TMEM108: variants seen among roughly 807,000 people sequenced by gnomAD.
The protein encoded by TMEM108 is cancer/testis antigen 124.
TMEM108 carries 12 observed loss-of-function variants against 35.1 expected under a neutral mutation model. The observed-to-expected ratio is 0.34, with a 90% CI of 0.22 to 0.55. TMEM108 has a LOEUF of 0.55. Ranked by LOEUF, TMEM108 falls within the 20% of genes least tolerant of loss-of-function variation. The pLI is 0.89. For missense variants in TMEM108, 680 were observed against 753.3 expected (o/e 0.90, Z 1.14); for synonymous variants, 287 against 308.6 (o/e 0.93, Z 0.73).
intron 1 of TMEM108, among the ~76,000 whole-genome samples, chr3:133,041,372 C>A (rs146415175): frequency 2.0e-5 from 3 of 152,076 alleles, no homozygotes; most frequent in Non-Finnish European, 4.4e-5. Flanking sequence ...ATGTCACCCC[C>A]CAGGGCTCCC....
chr3:133,188,223 G>A (rs1945449687), intron 2 of TMEM108, among the ~76,000 whole-genome samples: 1 of 152,162 alleles, frequency 6.6e-6, no homozygotes, highest in Admixed American at 6.5e-5. Flanking sequence ...AGGCGCGTCT[G>A]CACACTACAC....
intron 2 of TMEM108, among the ~76,000 whole-genome samples, chr3:133,195,561 G>A (rs1945564310): frequency 6.6e-6 from 1 of 152,076 alleles, no homozygotes; most frequent in African/African-American, 2.4e-5. Flanking sequence ...CCTTTGTGTT[G>A]TCATTATTAC....
At chr3:133,063,440 A>G (rs759049139) in intron 2 of TMEM108, among the ~76,000 whole-genome samples, 5 of 152,150 alleles carry the variant, frequency 3.3e-5, no homozygotes, top group Non-Finnish European at 5.9e-5. Flanking sequence ...AGTTCAGGGA[A>G]TGTGGGGAGA....
Position 133,203,278 on chromosome 3 carries a change from C to T in TMEM108, c.-46-25988C>T, listed in dbSNP as rs571527888. Among the ~76,000 whole-genome samples, 4 of 152,248 alleles carry T rather than the reference C, an allele frequency of 2.6e-5. No individual in the cohort carries two copies. In the East Asian group the frequency reaches 7.7e-4, roughly 29 times the overall value. ...CTTCCTTTCTTCCTATTTGAATACT[C>T]TTTTTTTCTTTCTCTTGCCTGACTG... On this transcript the variant is annotated intron_variant, in intron 2 of 5. Coordinates refer to ENST00000321871, the MANE Select transcript of TMEM108 (RefSeq NM_023943.4).
chr3:133,039,834 T>G (rs149432642), intron 1 of TMEM108, among the ~76,000 whole-genome samples: 2 of 152,288 alleles, frequency 1.3e-5, no homozygotes, highest in African/African-American at 2.4e-5. Flanking sequence ...GCTCTTACAT[T>G]CCCTGTACAA....
chr3:133,377,059 G>A (rs190684968), intron 3 of TMEM108, among the ~76,000 whole-genome samples: 2 of 152,262 alleles, frequency 1.3e-5, no homozygotes, highest in East Asian at 1.9e-4. Context: ...TGCTCCAGAT[G>A]TCTGTGTGTC....
chr3:133,239,063 C>G (rs1353296656), intron 3 of TMEM108, among the ~76,000 whole-genome samples: 1 of 152,164 alleles, frequency 6.6e-6, no homozygotes, highest in Non-Finnish European at 1.5e-5. Context: ...TCCTGGCATA[C>G]CACAAATTAT....
At chr3:133,207,607 C>A (rs570533959) in intron 2 of TMEM108, among the ~76,000 whole-genome samples, 2 of 151,992 alleles carry the variant, frequency 1.3e-5, no homozygotes, top group Non-Finnish European at 1.5e-5. Flanking sequence ...ATTCTGACTG[C>A]CTTTGTTTAG....
At chr3:133,120,515 A>G (rs1028933363) in intron 2 of TMEM108, among the ~76,000 whole-genome samples, 1 of 152,172 alleles carries the variant, frequency 6.6e-6, no homozygotes, top group East Asian at 1.9e-4. Context: ...TTTCCCAGCC[A>G]TCCTCCTATG....
At chr3:133,238,063 A>T (rs1946263929) in intron 3 of TMEM108, among the ~76,000 whole-genome samples, 1 of 152,108 alleles carries the variant, frequency 6.6e-6, no homozygotes, top group Non-Finnish European at 1.5e-5. Context: ...CTGGTCCCGG[A>T]CTACCTTTCC....
intron 2 of TMEM108, among the ~76,000 whole-genome samples, chr3:133,158,848 G>T (rs1467159833): frequency 6.6e-6 from 1 of 152,160 alleles, no homozygotes; most frequent in Non-Finnish European, 1.5e-5. Flanking sequence ...GTCTCCTTTG[G>T]CCTTTCCCAC....
chr3:133,164,985 AC>A, intron 2 of TMEM108, among the ~76,000 whole-genome samples: 1 of 127,692 alleles, frequency 7.8e-6, no homozygotes, highest in Admixed American at 8.7e-5. Flanking sequence ...TTGTACACTT[AC>A]AGTAACAAAG....
intron 3 of TMEM108, among the ~76,000 whole-genome samples, chr3:133,323,855 A>G (rs569308613): frequency 6.6e-6 from 1 of 152,090 alleles, no homozygotes; most frequent in Non-Finnish European, 1.5e-5. Context: ...AGAATAGAGA[A>G]CCCAGAAATA....
chr3:133,215,581 A>C (rs76426200), intron 2 of TMEM108, among the ~76,000 whole-genome samples: 2,288 of 152,202 alleles, frequency 0.015, 77 homozygotes, highest in African/African-American at 0.051. Flanking sequence ...TTTTAGGGAT[A>C]TTAACCCCTT....
At chr3:133,197,683 A>G (rs1252359033) in intron 2 of TMEM108, among the ~76,000 whole-genome samples, 1 of 143,158 alleles carries the variant, frequency 7.0e-6, no homozygotes, top group Non-Finnish European at 1.5e-5. Context: ...CACCCGAGGT[A>G]GAATACTTCC....
chr3:133,214,724 A>G (rs997283515), intron 2 of TMEM108, among the ~76,000 whole-genome samples: 3 of 152,146 alleles, frequency 2.0e-5, no homozygotes, highest in African/African-American at 4.8e-5. Flanking sequence ...CCTGTTAGGA[A>G]CCAGGATGCA....
chr3:133,234,147 T>C (rs1214466985), intron 3 of TMEM108, among the ~76,000 whole-genome samples: 2 of 152,196 alleles, frequency 1.3e-5, no homozygotes, highest in East Asian at 3.9e-4. Context: ...ATGCCTAGGT[T>C]TTCTTCTAGG....
At chr3:133,299,568 G>A (rs1947190613) in intron 3 of TMEM108, among the ~76,000 whole-genome samples, 1 of 152,180 alleles carries the variant, frequency 6.6e-6, no homozygotes, top group South Asian at 2.1e-4. Context: ...CCCTCATCAT[G>A]CTTAAGGTTT....
intron 2 of TMEM108, among the ~76,000 whole-genome samples, chr3:133,152,668 A>G (rs1272789993): frequency 6.6e-6 from 1 of 152,138 alleles, no homozygotes; most frequent in South Asian, 2.1e-4. Context: ...CCTGGAGAAC[A>G]TGCAAACTTG....
Sources: gnomAD v4.1 joint callset for allele counts (sites outside exome capture counted in the v4.1 genomes callset) on GRCh38, gnomAD v4.1.1 for gene constraint, MANE v1.5 for transcripts, NCBI Gene and HGNC (gene_info 2026-07-23, HGNC 2026-07-21) for gene names.